Variants in SPAG17 observed in about 807,000 individuals in gnomAD.
SPAG17 encodes sperm-associated antigen 17.
In SPAG17, 169 loss-of-function variants were observed where a neutral mutation model predicts 273.6. That is an observed-to-expected ratio of 0.62 (90% CI 0.55 to 0.70). The LOEUF is 0.70. Ranked by LOEUF, SPAG17 falls within the 30% of genes least tolerant of loss-of-function variation. The pLI is 0.00. For synonymous variants in SPAG17, 825 were observed against 873.2 expected (o/e 0.94, Z 0.97); for missense variants, 2,557 against 2,627.8 (o/e 0.97, Z 0.59).
chr1:118,055,105 CTCTT>C lies in SPAG17; in HGVS notation c.2722+624_2722+627del, dbSNP rs1651510906. Reference sequence around the variant, plus strand: ...TATCTTTCTAAAAGTCTATTTTACTCTCTTTGTCACCATCTTCCCCTTCTGCCCA... The same window carrying C: ...TATCTTTCTAAAAGTCTATTTTACTCTGTCACCATCTTCCCCTTCTGCCCA... On this transcript the variant is annotated intron_variant, in intron 19 of 48. Transcript: ENST00000336338. Among the ~76,000 whole-genome samples the C allele has an allele frequency of 2.0e-5, 3 of 152,022 alleles. No individual in the cohort carries two copies. The South Asian group carries it at 6.2e-4, about 31-fold the overall frequency.
At chr1:118,136,896 T>G (rs1658398438) in intron 3 of SPAG17, among the ~76,000 whole-genome samples, 1 of 152,092 alleles carries the variant, frequency 6.6e-6, no homozygotes, top group Admixed American at 6.6e-5. Flanking sequence ...GTTCTGTGGA[T>G]GCTTTTGCAT....
chr1:117,972,038 A>G lies in SPAG17; in HGVS notation c.6151T>C (p.Ser2051Pro). ...GATGTGTTCACTTTTCCTCCAACAG[A>G]ATCTTGCACCTTTGCATTAAGAAAA... ...KSQPLAKVQDSVGGKVNTSSV... is the reference protein window; with the variant it reads ...KSQPLAKVQDPVGGKVNTSSV... The change falls in exon 45 of 49, where the codon TCT (serine) becomes CCT (proline). Residue 2051 changes from serine to proline, a missense_variant. Ser to Pro is a moderately conservative substitution (Grantham distance 74). Coordinates refer to ENST00000336338, the MANE Select transcript of SPAG17 (RefSeq NM_206996.4). 1 of 1,611,992 alleles carries G rather than the reference A, an allele frequency of 6.2e-7. No homozygotes were observed. The highest frequency in any genetic ancestry group is 8.5e-7 in the Non-Finnish European group (1 of 1,179,098).
chr1:117,976,092 G>T (rs75621949), intron 43 of SPAG17, among the ~76,000 whole-genome samples: 7,773 of 152,206 alleles, frequency 0.051, 293 homozygotes, highest in South Asian at 0.11. Flanking sequence ...TACACAAGGA[G>T]CCCGGATGTG....
chr1:118,089,004 A>C (rs1570672074), intron 10 of SPAG17, among the ~76,000 whole-genome samples: 1 of 152,240 alleles, frequency 6.6e-6, no homozygotes, highest in South Asian at 2.1e-4. Context: ...AGCAACGAAC[A>C]AGACTACATT....
chr1:118,123,909 G>C (rs1199911343), intron 3 of SPAG17, among the ~76,000 whole-genome samples: 1 of 152,164 alleles, frequency 6.6e-6, no homozygotes, highest in Non-Finnish European at 1.5e-5. Flanking sequence ...TAACAGACAT[G>C]TATAATTTAA....
At position 117,966,655 on chromosome 1, in the gene SPAG17, G is replaced by T; in HGVS notation, c.6486C>A (p.Ile2162=). 3 of 1,613,620 alleles carry T rather than the reference G, an allele frequency of 1.9e-6. No homozygotes were observed. The highest frequency in any genetic ancestry group is 2.5e-6 in the Non-Finnish European group (3 of 1,179,830). The stretch of plus-strand genomic sequence containing the variant: ...GAACCTCATGCTCTGTCATAATCTC[G>T]ATATTGTGAGAGATGTGTGCTGATC... ...AKGSAHISHN[I]EIMTEHEVLF... is the part of the protein sequence containing the mutation. Residue 2162 remains isoleucine (I), a synonymous_variant, in exon 47 of 49, where the codon ATC becomes ATA. Transcript: ENST00000336338.
chr1:118,132,919 G>A (rs201501774), intron 3 of SPAG17, among the ~76,000 whole-genome samples: 14 of 152,002 alleles, frequency 9.2e-5, no homozygotes, highest in South Asian at 2.1e-4. Context: ...CTACAGGTGC[G>A]TGCCACCATA....
chr1:118,167,499 G>T (rs1660228091), intron 1 of SPAG17, among the ~76,000 whole-genome samples: 1 of 151,982 alleles, frequency 6.6e-6, no homozygotes, highest in African/African-American at 2.4e-5. Flanking sequence ...ACCAAATTTT[G>T]AAGTCTCTTT....
intron 10 of SPAG17, among the ~76,000 whole-genome samples, chr1:118,087,728 C>A (rs185444471): frequency 6.6e-6 from 1 of 152,256 alleles, no homozygotes; most frequent in East Asian, 1.9e-4. Flanking sequence ...AAGTTAGGCA[C>A]CTAATTTACA....
At position 118,018,990 on chromosome 1, in the gene SPAG17, T is replaced by C. The variant is rs546328713; in HGVS notation, c.4070-2808A>G. 2.8e-5 allele frequency among the ~76,000 whole-genome samples: 4 copies of C among 142,100 alleles called. No homozygotes were observed. In the South Asian group the frequency reaches 8.8e-4, roughly 31 times the overall value. The allele number at this position is 142,100 out of a possible 152,430, so 93.2% of individuals were successfully genotyped here. A position where few individuals can be genotyped will look rare whatever the true frequency, so the allele number is the denominator to read the frequency against. ...GTTAGGCTGCAGTGAGCTGTGATCATGCCACCACACTCCAGCCTGGGTGAC... is the reference window on the plus strand; with the variant it reads ...GTTAGGCTGCAGTGAGCTGTGATCACGCCACCACACTCCAGCCTGGGTGAC... On this transcript the variant is annotated intron_variant, in intron 28 of 48. Transcript: ENST00000336338.
intron 3 of SPAG17, among the ~76,000 whole-genome samples, chr1:118,145,733 A>C (rs1332880853): frequency 6.6e-6 from 1 of 152,092 alleles, no homozygotes; most frequent in African/African-American, 2.4e-5. Context: ...AAAATTAATA[A>C]TTATTTGCAT....
intron 48 of SPAG17, among the ~76,000 whole-genome samples, chr1:117,956,623 A>G (rs1055900546): frequency 6.6e-6 from 1 of 152,200 alleles, no homozygotes; most frequent in African/African-American, 2.4e-5. Flanking sequence ...ATAATACTTG[A>G]GCTAGTTCTA....
At chr1:118,164,896 AGC>A (rs1660091150) in intron 1 of SPAG17, among the ~76,000 whole-genome samples, 1 of 152,222 alleles carries the variant, frequency 6.6e-6, no homozygotes, top group African/African-American at 2.4e-5. Flanking sequence ...CATTGTGTAA[AGC>A]ACACACTTTA....
chr1:118,094,562 T>C (rs1338931738), intron 7 of SPAG17, among the ~76,000 whole-genome samples: 1 of 152,236 alleles, frequency 6.6e-6, no homozygotes, highest in African/African-American at 2.4e-5. Flanking sequence ...GGATGGATCC[T>C]ATCTTGGATA....
chr1:118,098,001 G>A (rs751751835), intron 6 of SPAG17, 150 bp from the exon 7 acceptor site: 3 of 463,532 alleles, frequency 6.5e-6, no homozygotes, highest in African/African-American at 2.0e-5. Context: ...AATTTTTGAA[G>A]TCGGAGTATA....
intron 4 of SPAG17, among the ~76,000 whole-genome samples, chr1:118,114,022 C>T (rs533409358): frequency 3.9e-5 from 6 of 152,118 alleles, no homozygotes; most frequent in South Asian, 4.1e-4. Context: ...TGGGAAAGGG[C>T]GAAGCAAACA....
At chr1:118,175,574 CAA>C (rs79880272) in intron 1 of SPAG17, among the ~76,000 whole-genome samples, 5 of 43,860 alleles carry the variant, frequency 1.1e-4, no homozygotes, top group East Asian at 7.0e-4. Flanking sequence ...TTTCAAAGTA[CAA>C]AAAAAAAAAA....
rs75628114 is a variant in SPAG17 at position 118,015,400 on chromosome 1, A to C, written c.4287+565T>G. Reference sequence around the variant, plus strand: ...AATTTGTCATGTATTCTTATGCTACAAATAAAGTTTTTGTAAAGTTTCTCT... The same window carrying C: ...AATTTGTCATGTATTCTTATGCTACCAATAAAGTTTTTGTAAAGTTTCTCT... On this transcript the variant is annotated intron_variant, in intron 29 of 48. Transcript: ENST00000336338. Among the ~76,000 whole-genome samples the C allele has an allele frequency of 3.0e-4, 46 of 152,290 alleles. No homozygotes were observed. The East Asian group carries it at 8.9e-3, about 29-fold the overall frequency.
At chr1:118,020,019 A>G (rs968962777) in intron 28 of SPAG17, among the ~76,000 whole-genome samples, 1 of 152,254 alleles carries the variant, frequency 6.6e-6, no homozygotes, top group Non-Finnish European at 1.5e-5. Context: ...AACATAAACC[A>G]CAGAAGGTGA....
Sources: allele counts gnomAD v4.1 joint callset (sites outside exome capture counted in the v4.1 genomes callset), GRCh38; gene constraint gnomAD v4.1.1; transcripts MANE v1.5; gene names NCBI Gene and HGNC (gene_info 2026-07-23, HGNC 2026-07-21).